CDC25C: variants seen among roughly 807,000 people sequenced by gnomAD.
CDC25C encodes the protein M-phase inducer phosphatase 3.
Under a neutral mutation model 52.5 loss-of-function variants are expected in CDC25C, and 48 were observed. That is an observed-to-expected ratio of 0.91 (90% confidence interval 0.72 to 1.16). The LOEUF (loss-of-function observed/expected upper bound fraction) is 1.16, where lower values mean the gene tolerates loss of function less well. CDC25C is among the 50% of genes most tolerant of loss of function. The pLI is 0.00. For missense variants in CDC25C, 510 were observed against 566.1 expected, an observed-to-expected ratio of 0.90 and a Z score of 1.01; for synonymous variants, 187 against 206.5, an observed-to-expected ratio of 0.91 and a Z score of 0.81.
chr5:138,335,874 ATAAT>A (rs1760665802), upstream of CDC25C, among the ~76,000 whole-genome samples: 1 of 151,442 alleles, frequency 6.6e-6, no homozygotes, highest in South Asian at 2.1e-4. Flanking sequence ...TTAATTCATA[ATAAT>A]TAAATTATTA....
At chr5:138,299,766 A>C (rs1757499353) in intron 7 of CDC25C, among the ~76,000 whole-genome samples, 1 of 151,786 alleles carries the variant, frequency 6.6e-6, no homozygotes, top group African/African-American at 2.4e-5. Flanking sequence ...AGCAAGCAGA[A>C]GGAAGGAAAT....
At chr5:138,316,266 T>C (rs1322680914) in intron 7 of CDC25C, among the ~76,000 whole-genome samples, 2 of 152,102 alleles carry the variant, frequency 1.3e-5, no homozygotes, top group Admixed American at 1.3e-4. Flanking sequence ...CAGAGTGGGG[T>C]TGGGGCAAGT....
chr5:138,306,179 T>C (rs1477442992), intron 7 of CDC25C, among the ~76,000 whole-genome samples: 4 of 152,094 alleles, frequency 2.6e-5, no homozygotes, highest in Non-Finnish European at 5.9e-5. Flanking sequence ...AAAATCCCTT[T>C]TCTGCTTGAG....
At chr5:138,329,134 ACCT>A (rs1394257425) in intron 3 of CDC25C, among the ~76,000 whole-genome samples, 1 of 151,772 alleles carries the variant, frequency 6.6e-6, no homozygotes, top group Non-Finnish European at 1.5e-5. Context: ...CGATCTCTTG[ACCT>A]CGTGACCCGC....
intron 7 of CDC25C, among the ~76,000 whole-genome samples, chr5:138,310,716 A>T (rs1758383893): frequency 6.6e-6 from 1 of 152,222 alleles, no homozygotes; most frequent in African/African-American, 2.4e-5. Flanking sequence ...GGCAGAGTCA[A>T]GCTATGAATC....
chr5:138,321,703 G>A (rs1298716351), intron 6 of CDC25C, among the ~76,000 whole-genome samples: 1 of 122,092 alleles, frequency 8.2e-6, no homozygotes, highest in African/African-American at 3.2e-5. Context: ...AGTGAGCTGA[G>A]ATCGCACCAC....
At chr5:138,330,786 G>A (rs1420738958) in intron 2 of CDC25C, among the ~76,000 whole-genome samples, 1 of 152,216 alleles carries the variant, frequency 6.6e-6, no homozygotes, top group Non-Finnish European at 1.5e-5. Context: ...GGAGATTACA[G>A]GCATGAGCCA....
intron 8 of CDC25C, 75 bp from the exon 9 acceptor site, chr5:138,290,815 C>G: frequency 1.1e-6 from 1 of 873,576 alleles, no homozygotes; most frequent in Non-Finnish European, 1.9e-6. Flanking sequence ...TGGAGTGGGC[C>G]ATGGTGGCGC....
chr5:138,308,270 A>G (rs1758187841), intron 7 of CDC25C, among the ~76,000 whole-genome samples: 1 of 152,238 alleles, frequency 6.6e-6, no homozygotes, highest in Non-Finnish European at 1.5e-5. Context: ...TTCTGAGACT[A>G]TGAAAGATCT....
intron 7 of CDC25C, among the ~76,000 whole-genome samples, chr5:138,311,490 G>A (rs1758450150): frequency 6.6e-6 from 1 of 152,124 alleles, no homozygotes; most frequent in Non-Finnish European, 1.5e-5. Context: ...AGCTACTATG[G>A]ACACTGAGGT....
chr5:138,293,679 C>T (rs1237176353), intron 7 of CDC25C, among the ~76,000 whole-genome samples: 8 of 146,780 alleles, frequency 5.5e-5, no homozygotes, highest in African/African-American at 1.8e-4. Flanking sequence ...GATAGGGTCT[C>T]GCTGTCACTC....
intron 7 of CDC25C, among the ~76,000 whole-genome samples, chr5:138,295,862 CAG>C (rs1757136989): frequency 1.3e-5 from 2 of 152,126 alleles, no homozygotes; most frequent in African/African-American, 4.8e-5. Context: ...AAGGAATCAC[CAG>C]AGAGTTTCCA....
chr5:138,310,794 T>C (rs1758389827), intron 7 of CDC25C, among the ~76,000 whole-genome samples: 1 of 152,198 alleles, frequency 6.6e-6, no homozygotes, highest in Non-Finnish European at 1.5e-5. Flanking sequence ...GCTCTTAACT[T>C]TTCCCACTGA....
chr5:138,290,546 G>A (rs1338203444), intron 9 of CDC25C, 93 bp downstream of exon 9: 11 of 741,892 alleles, frequency 1.5e-5, no homozygotes, highest in Non-Finnish European at 2.5e-5. Flanking sequence ...ACTTGGTGAG[G>A]ATGCATATTT....
At chr5:138,310,886 A>G (rs1459487618) in intron 7 of CDC25C, among the ~76,000 whole-genome samples, 3 of 152,214 alleles carry the variant, frequency 2.0e-5, no homozygotes, top group African/African-American at 7.2e-5. Context: ...CTTTTCCATA[A>G]AGGAGAATAT....
chr5:138,300,042 C>T (rs146850758), intron 7 of CDC25C, among the ~76,000 whole-genome samples: 146 of 152,186 alleles, frequency 9.6e-4, no homozygotes, highest in African/African-American at 3.3e-3. Context: ...AAGACAAAAA[C>T]TACTGAAACT....
chr5:138,296,600 TATTA>T (rs932143833), intron 7 of CDC25C, among the ~76,000 whole-genome samples: 35 of 147,100 alleles, frequency 2.4e-4, no homozygotes, highest in African/African-American at 7.3e-4. Flanking sequence ...ATTTTATTAT[TATTA>T]ATTATTTTTT....
intron 6 of CDC25C, among the ~76,000 whole-genome samples, chr5:138,324,519 G>T (rs34905925): frequency 3.0e-4 from 45 of 151,820 alleles, no homozygotes; most frequent in Non-Finnish European, 4.0e-4. Context: ...CAGCACTTTG[G>T]GGGGCAGAGG....
upstream of CDC25C, chr5:138,333,584 CT>C: frequency 6.6e-6 from 1 of 152,326 alleles, no homozygotes; most frequent in South Asian, 2.1e-4. Context: ...TTGTTATCTG[CT>C]TTGACGACTA....
Sources: allele counts gnomAD v4.1 joint callset (sites outside exome capture counted in the v4.1 genomes callset), GRCh38; gene constraint gnomAD v4.1.1; transcripts MANE v1.5; gene names NCBI Gene and HGNC (gene_info 2026-07-23, HGNC 2026-07-21).